The following FBLN2 variants were observed in gnomAD, a reference collection of about 807,000 sequenced individuals.
FBLN2 encodes fibulin 2.
FBLN2 carries 81 observed loss-of-function variants against 123.7 expected under a neutral mutation model. That is an observed-to-expected ratio of 0.65 (90% CI 0.55 to 0.79). FBLN2 has a LOEUF of 0.79. FBLN2 is among the 30% of genes least tolerant of loss of function. The pLI is 0.00. For missense variants in FBLN2, 1,603 were observed against 1,681.3 expected, an observed-to-expected ratio of 0.95 and a Z score of 0.81; for synonymous variants, 699 against 701.4, an observed-to-expected ratio of 1.00 and a Z score of 0.05.
chr3:13,598,136 A>T (rs1704907050), intron 2 of FBLN2, among the ~76,000 whole-genome samples: 1 of 152,256 alleles, frequency 6.6e-6, no homozygotes, highest in African/African-American at 2.4e-5. Flanking sequence ...CTACTGCTGA[A>T]GGGATGGTTG....
At chr3:13,636,270 C>T (rs896029575) in intron 16 of FBLN2, among the ~76,000 whole-genome samples, 175 bp from the exon 17 acceptor site, 3 of 152,200 alleles carry the variant, frequency 2.0e-5, no homozygotes, top group Admixed American at 6.5e-5. Flanking sequence ...TAGAGCCAGG[C>T]CCCCTGCTGC....
chr3:13,592,126 G>A (rs912836478), intron 2 of FBLN2, among the ~76,000 whole-genome samples: 25 of 150,718 alleles, frequency 1.7e-4, no homozygotes, highest in Middle Eastern at 3.4e-3. Context: ...GTGTTCAAGC[G>A]ATCCTCCTTC....
At chr3:13,635,201 T>G (rs1170582912) in intron 16 of FBLN2, among the ~76,000 whole-genome samples, 2 of 152,146 alleles carry the variant, frequency 1.3e-5, no homozygotes, top group Non-Finnish European at 2.9e-5. Flanking sequence ...TATGGAGGAT[T>G]GGAAAACAAA....
intron 2 of FBLN2, among the ~76,000 whole-genome samples, chr3:13,583,291 C>T (rs969762095): frequency 1.3e-5 from 2 of 152,254 alleles, no homozygotes; most frequent in African/African-American, 2.4e-5. Context: ...CATTATGTGT[C>T]GTGACCCCGT....
intron 2 of FBLN2, among the ~76,000 whole-genome samples, chr3:13,590,678 T>G (rs927886985): frequency 2.6e-5 from 4 of 152,234 alleles, no homozygotes; most frequent in African/African-American, 9.6e-5. Flanking sequence ...ACATACAGCG[T>G]GATCTTGCTT....
chr3:13,586,664 A>ATTTTT (rs539204519), intron 2 of FBLN2, among the ~76,000 whole-genome samples: 2 of 124,820 alleles, frequency 1.6e-5, no homozygotes, highest in African/African-American at 6.3e-5. Flanking sequence ...TGCCCAGCTA[A>ATTTTT]TTTTTTTTTT....
rs1421617259 is a variant in FBLN2 at position 13,626,426 on chromosome 3, G to A, written c.2297-19G>A. 2 of 1,557,272 alleles carry A rather than the reference G, an allele frequency of 1.3e-6. No individual in the cohort carries two copies. Among genetic ancestry groups the A allele is most frequent in the East Asian group, 4.7e-5 (2 of 42,364 alleles). On this transcript the variant is annotated intron_variant, in intron 9 of 17. Transcript: ENST00000404922. ...TCCTGGGGACTCTGCAGCCTCTGAT[G>A]GCCTCGCTCTCCCTGCAGACATCAA...
At chr3:13,624,802 G>A (rs1705972705) in intron 9 of FBLN2, among the ~76,000 whole-genome samples, 1 of 152,278 alleles carries the variant, frequency 6.6e-6, no homozygotes, top group African/African-American at 2.4e-5. Flanking sequence ...AGTTATGTGT[G>A]TGGAATGGAT....
chr3:13,608,524 A>G (rs191537061), intron 3 of FBLN2, among the ~76,000 whole-genome samples: 4 of 152,252 alleles, frequency 2.6e-5, no homozygotes, highest in Admixed American at 2.0e-4. Context: ...CACTCATGCC[A>G]CTCAGGCTTT....
intron 2 of FBLN2, among the ~76,000 whole-genome samples, chr3:13,577,332 G>A (rs1462253314): frequency 1.3e-5 from 2 of 152,052 alleles, no homozygotes; most frequent in African/African-American, 4.8e-5. Flanking sequence ...CGAGCCACGC[G>A]TGCACCTGAA....
chr3:13,572,547 TC>T (rs1703997395), intron 2 of FBLN2, among the ~76,000 whole-genome samples: 1 of 152,206 alleles, frequency 6.6e-6, no homozygotes. Flanking sequence ...ATCGGGCACA[TC>T]AGAGCAGGCA....
rs1306758265 is a variant in FBLN2 at position 13,629,905 on chromosome 3, C to T, written c.2928C>T (p.Ala976=). The change falls in exon 14 of 18, where the codon GCC becomes GCT. Residue 976 remains alanine (A), a synonymous_variant. Coordinates refer to ENST00000404922, the MANE Select transcript of FBLN2 (RefSeq NM_001004019.2). ...NTLGSYRCSC[A]SGFLLAADGK... is the part of the protein sequence containing the mutation. Reference sequence around the variant, plus strand: ...TCGGCTCCTACCGCTGTTCCTGCGCCTCCGGGTTCCTGCTAGCAGCGGACG... The same window carrying T: ...TCGGCTCCTACCGCTGTTCCTGCGCTTCCGGGTTCCTGCTAGCAGCGGACG... 3 of 1,608,464 alleles carry T rather than the reference C, an allele frequency of 1.9e-6. No homozygotes were observed. Among genetic ancestry groups the T allele is most frequent in the South Asian group, 1.1e-5 (1 of 89,678 alleles).
chr3:13,628,030 G>A, intron 11 of FBLN2, 61 bp downstream of exon 11: 1 of 1,556,206 alleles, frequency 6.4e-7, no homozygotes. Flanking sequence ...GGCATTGTGG[G>A]GGCTTTTAGG....
In FBLN2 at chr3:13,627,968, G is replaced by T. The variant is rs1706107849; in HGVS notation, c.2568G>T (p.Val856=). The stretch of plus-strand genomic sequence containing the variant: ...TGCAGGATCCTGAAGGCAACTGTGT[G>T]GGTGAGCGGGGGCTGCAGGGCTGGG... ...GFLQDPEGNC[V]DINECTSLSE... Residue 856 remains valine, a splice_region_variant and synonymous_variant, in exon 11 of 18, where the codon GTG becomes GTT. Coordinates refer to ENST00000404922, the MANE Select transcript of FBLN2 (RefSeq NM_001004019.2). 1 of 1,612,820 alleles carries T rather than the reference G, an allele frequency of 6.2e-7. No individual in the cohort carries two copies. The highest frequency in any genetic ancestry group is 1.7e-5 in the Admixed American group (1 of 59,940).
intron 9 of FBLN2, among the ~76,000 whole-genome samples, 198 bp downstream of exon 9, chr3:13,622,113 G>T (rs1347342453): frequency 3.9e-5 from 6 of 152,206 alleles, no homozygotes; most frequent in African/African-American, 1.4e-4. Context: ...CCACCCGGAG[G>T]CTGCTTTCCC....
At chr3:13,556,388 G>C (rs1018343105) in intron 1 of FBLN2, among the ~76,000 whole-genome samples, 20 of 152,108 alleles carry the variant, frequency 1.3e-4, no homozygotes, top group African/African-American at 4.8e-4. Flanking sequence ...GAGCTAGTGA[G>C]CTCTGGTCTT....
In FBLN2 at chr3:13,571,668, C is replaced by T. The variant is rs373632209; in HGVS notation, c.1306+7C>T. On this transcript the variant is annotated splice_region_variant and intron_variant, in intron 2 of 17. Transcript: ENST00000404922. Reference sequence around the variant, plus strand: ...CCCAGAAGTAGCCCTGAAGGTAAGACCCTGTCCTGGTTCCTTCAGGGCACT... The same window carrying T: ...CCCAGAAGTAGCCCTGAAGGTAAGATCCTGTCCTGGTTCCTTCAGGGCACT... 4 of 1,570,392 alleles carry T rather than the reference C, an allele frequency of 2.5e-6. No individual in the cohort carries two copies.
chr3:13,602,260 A>T (rs6779906), intron 2 of FBLN2, among the ~76,000 whole-genome samples: 62,756 of 152,110 alleles, frequency 0.41, 13,025 homozygotes, highest in Non-Finnish European at 0.43. Flanking sequence ...TCCCGTATGC[A>T]CATAGGTCTG....
intron 1 of FBLN2, among the ~76,000 whole-genome samples, chr3:13,554,236 G>T (rs1330023001): frequency 6.6e-6 from 1 of 152,186 alleles, no homozygotes; most frequent in Admixed American, 6.5e-5. Flanking sequence ...GCAGCCACCT[G>T]TGTCTCCCGT....
Sources: gnomAD v4.1 joint callset for allele counts (sites outside exome capture counted in the v4.1 genomes callset) on GRCh38, gnomAD v4.1.1 for gene constraint, MANE v1.5 for transcripts, NCBI Gene and HGNC (gene_info 2026-07-23, HGNC 2026-07-21) for gene names.